Variants in LYST observed in about 807,000 individuals in gnomAD.
The protein encoded by LYST is lysosomal trafficking regulator.
In LYST, 192 loss-of-function variants were observed where a neutral mutation model predicts 413.6. The observed-to-expected ratio is 0.46, with a 90% CI of 0.41 to 0.52. The LOEUF (loss-of-function observed/expected upper bound fraction) is 0.52. Ranked by LOEUF, LYST falls within the 20% of genes least tolerant of loss-of-function variation. The pLI, the probability that LYST is intolerant of heterozygous loss-of-function variation, is 0.00. For synonymous variants in LYST, 1,525 were observed against 1,567.3 expected, an observed-to-expected ratio of 0.97 and a Z score of 0.64; for missense variants, 3,815 against 4,499.9, an observed-to-expected ratio of 0.85 and a Z score of 4.35.
chr1:235,713,321 A>C, intron 42 of LYST: 1 of 467,464 alleles, frequency 2.1e-6, no homozygotes. Context: ...AAAACAAACA[A>C]AAAAACTAAA....
In LYST at chr1:235,734,504, G is replaced by T. The variant is rs376817988; in HGVS notation, c.8514C>A (p.Asp2838Glu). The change falls in exon 32 of 53, where the codon GAC (aspartate) becomes GAA (glutamate). Residue 2838 changes from aspartate to glutamate, a missense_variant. Physicochemically the swap from Asp to Glu is conservative, Grantham distance 45 (BLOSUM62 2). Coordinates refer to ENST00000389793, the MANE Select transcript of LYST (RefSeq NM_000081.4). ...CIPPSASTKA[D>E]LIKMIKEEQK... ...TCACCTCTTTGATCATTTTAATAAG[G>T]TCTGCTTTTGTTGATGCACTGGGAG... The T allele has an allele frequency of 6.8e-6, 11 of 1,613,384 alleles. No individual in the cohort carries two copies. The East Asian group carries it at 8.9e-5, about 13-fold the overall frequency.
At chr1:235,732,439 C>T (rs1016062779) in intron 34 of LYST, among the ~76,000 whole-genome samples, 2 of 152,104 alleles carry the variant, frequency 1.3e-5, no homozygotes, top group Non-Finnish European at 2.9e-5. Context: ...AAGTACTAGA[C>T]TACAGGTGTG....
chr1:235,693,911 C>T (rs553408430), intron 46 of LYST, among the ~76,000 whole-genome samples: 4 of 152,238 alleles, frequency 2.6e-5, no homozygotes, highest in South Asian at 4.1e-4. Context: ...GTGGAAGCAA[C>T]ACCTAGCCTG....
chr1:235,827,925 GATAA>G (rs1675516433), intron 3 of LYST: 1 of 509,836 alleles, frequency 2.0e-6, no homozygotes, highest in African/African-American at 2.1e-5. Context: ...TACAACTGAT[GATAA>G]ATAAATAACC....
intron 25 of LYST, 75 bp from the exon 26 acceptor site, chr1:235,753,349 C>A: frequency 1.1e-6 from 1 of 901,390 alleles, no homozygotes; most frequent in Admixed American, 1.9e-5. Flanking sequence ...AACTATGGGT[C>A]ATCTTGCTAA....
At chr1:235,704,432 T>C (rs572363513) in intron 44 of LYST, among the ~76,000 whole-genome samples, 24 of 152,330 alleles carry the variant, frequency 1.6e-4, no homozygotes, top group African/African-American at 5.5e-4. Flanking sequence ...TTTTTGACTT[T>C]TTAGTAATAA....
In LYST at chr1:235,753,232, C is replaced by A. The variant is rs201301303; in HGVS notation, c.7272G>T (p.Lys2424Asn). ...EDVRNMGLFQKWSVIPILGLI... is the reference protein window; with the variant it reads ...EDVRNMGLFQNWSVIPILGLI... The stretch of plus-strand genomic sequence containing the variant: ...GTCCCAGAATAGGAATGACAGACCA[C>A]TTCTGAAACAATCCCATGTTTCTCA... Residue 2424 changes from lysine (K) to asparagine (N), a missense_variant, in exon 26 of 53, where the codon AAG becomes AAT. Lys to Asn is a moderately conservative substitution (Grantham distance 94). This residue lies in a region of LYST where 771 missense variants were observed against 837.1 expected (regional missense o/e 0.92). Transcript: ENST00000389793. 1.9e-6 allele frequency: 3 copies of A among 1,609,704 alleles called. No homozygotes were observed.
At chr1:235,829,274 G>C (rs1174682404) in intron 3 of LYST, 2 of 152,136 alleles carry the variant, frequency 1.3e-5, no homozygotes, top group East Asian at 1.9e-4. Flanking sequence ...ATTTGTATTT[G>C]CTATGTTCCT....
At chr1:235,677,012 T>A in intron 50 of LYST, 79 bp downstream of exon 50, 1 of 979,222 alleles carries the variant, frequency 1.0e-6, no homozygotes, top group Non-Finnish European at 1.7e-6. Flanking sequence ...AGAGAATGGC[T>A]CGACCTAGGA....
chr1:235,842,797 C>T (rs1218020506), intron 1 of LYST, among the ~76,000 whole-genome samples: 3 of 152,196 alleles, frequency 2.0e-5, no homozygotes, highest in Non-Finnish European at 4.4e-5. Flanking sequence ...TTCCTGCAGA[C>T]ATCTGGATAG....
chr1:235,714,457 AAG>A (rs1278942370), intron 42 of LYST, among the ~76,000 whole-genome samples: 1 of 152,220 alleles, frequency 6.6e-6, no homozygotes, highest in Admixed American at 6.5e-5. Context: ...ATAGACCAAT[AAG>A]AGTGAATACA....
chr1:235,689,637 T>C (rs1660500715), intron 47 of LYST, among the ~76,000 whole-genome samples: 1 of 152,212 alleles, frequency 6.6e-6, no homozygotes, highest in Non-Finnish European at 1.5e-5. Flanking sequence ...GCTAAGATAG[T>C]AGATCTTAAA....
intron 38 of LYST, among the ~76,000 whole-genome samples, chr1:235,726,145 T>G (rs1663846929): frequency 6.6e-6 from 1 of 152,138 alleles, no homozygotes; most frequent in Admixed American, 6.5e-5. Context: ...TTAAAAAAAT[T>G]GCATTTACTT....
At chr1:235,866,491 C>A (rs1183291406) in intron 1 of LYST, among the ~76,000 whole-genome samples, 3 of 152,218 alleles carry the variant, frequency 2.0e-5, no homozygotes, top group African/African-American at 4.8e-5. Context: ...AGCAACACAC[C>A]GCCGTCAGCC....
At chr1:235,855,622 T>A (rs568193370) in intron 1 of LYST, among the ~76,000 whole-genome samples, 1 of 152,144 alleles carries the variant, frequency 6.6e-6, no homozygotes, top group East Asian at 1.9e-4. Context: ...TTATCCTAAA[T>A]GTGAAATGAA....
At chr1:235,672,531 C>A (rs541413343) in intron 50 of LYST, among the ~76,000 whole-genome samples, 2 of 152,086 alleles carry the variant, frequency 1.3e-5, no homozygotes, top group Admixed American at 6.6e-5. Flanking sequence ...TAGAAAAAAG[C>A]AACTTTGGCT....
At chr1:235,882,836 G>A (rs1408506336) in intron 1 of LYST, among the ~76,000 whole-genome samples, 1 of 152,110 alleles carries the variant, frequency 6.6e-6, no homozygotes, top group African/African-American at 2.4e-5. Flanking sequence ...TGTATTGAGT[G>A]AGTCCTTATA....
At chr1:235,869,746 G>A (rs964642510), upstream of LYST, among the ~76,000 whole-genome samples, 4 of 151,800 alleles carry the variant, frequency 2.6e-5, no homozygotes, top group South Asian at 2.1e-4. Flanking sequence ...TTGGCTCTCC[G>A]CTTCTCTCAG....
chr1:235,679,505 T>C (rs923949953), intron 48 of LYST, among the ~76,000 whole-genome samples: 2 of 152,146 alleles, frequency 1.3e-5, no homozygotes, highest in African/African-American at 4.8e-5. Context: ...AACTTTTAAC[T>C]TTTTCATAAA....
Sources: gnomAD v4.1 joint callset for allele counts (sites outside exome capture counted in the v4.1 genomes callset) on GRCh38, gnomAD v4.1.1 for gene constraint, gnomAD v4.1.1 regional missense constraint, MANE v1.5 for transcripts, NCBI Gene and HGNC (gene_info 2026-07-23, HGNC 2026-07-21) for gene names.